APH1B: variants seen among roughly 807,000 people sequenced by gnomAD.
APH1B encodes the protein aph-1B gamma-secretase subunit, also known as gamma-secretase subunit APH-1B.
In APH1B, 27 loss-of-function variants were observed where a neutral mutation model predicts 28.2. The observed-to-expected ratio is 0.96, with a 90% CI of 0.70 to 1.32. APH1B has a LOEUF of 1.32. Ranked by LOEUF, APH1B falls within the 40% of genes most tolerant of loss-of-function variation. The pLI, the probability that APH1B is intolerant of heterozygous loss-of-function variation, is 0.00. For missense variants in APH1B, 305 were observed against 313.6 expected (o/e 0.97, Z 0.21); for synonymous variants, 141 against 124.6 (o/e 1.13, Z -0.88).
chr15:63,278,335 C>T (rs753832262), intron 1 of APH1B: 6 of 456,748 alleles, frequency 1.3e-5, no homozygotes, highest in Middle Eastern at 6.5e-4. Flanking sequence ...CCTGACTGTG[C>T]GTCTCCTTCT....
chr15:63,293,712 T>C (rs2038531335), intron 4 of APH1B, among the ~76,000 whole-genome samples: 1 of 152,022 alleles, frequency 6.6e-6, no homozygotes. Context: ...TGGTCAGGTT[T>C]TTCTCGAACT....
chr15:63,277,784 C>G, intron 1 of APH1B, 48 bp downstream of exon 1: 2 of 1,563,916 alleles, frequency 1.3e-6, no homozygotes, highest in Middle Eastern at 1.7e-4. Context: ...TCCCCTCCCC[C>G]GCTGGGGTTA....
At chr15:63,277,927 G>C (rs1293417750) in intron 1 of APH1B, 191 bp downstream of exon 1, 3 of 599,938 alleles carry the variant, frequency 5.0e-6, no homozygotes, top group Non-Finnish European at 8.7e-6. Context: ...GCGCACACTG[G>C]GGGTCAGGGC....
At chr15:63,298,468 C>T (rs1432155645) in intron 4 of APH1B, among the ~76,000 whole-genome samples, 1 of 152,168 alleles carries the variant, frequency 6.6e-6, no homozygotes, top group Admixed American at 6.5e-5. Flanking sequence ...ACCTCAGCCT[C>T]CCAGGTGCTG....
intron 4 of APH1B, among the ~76,000 whole-genome samples, chr15:63,296,139 TTC>T (rs1422120829): frequency 1.3e-5 from 2 of 152,222 alleles, no homozygotes; most frequent in African/African-American, 4.8e-5. Flanking sequence ...TTCAAAAGCA[TTC>T]ATTCAGCTCT....
At chr15:63,305,493 AC>A in intron 5 of APH1B, 120 bp from the exon 6 acceptor site, 1 of 1,111,066 alleles carries the variant, frequency 9.0e-7, no homozygotes, top group Non-Finnish European at 1.3e-6. Context: ...CACACATCAT[AC>A]GTTTGGTGAA....
chr15:63,278,052 C>T (rs1375222607), intron 1 of APH1B: 5 of 403,324 alleles, frequency 1.2e-5, no homozygotes, highest in African/African-American at 2.0e-5. Context: ...GGGGGAGTCC[C>T]TAATTTCCCT....
chr15:63,292,185 G>C (rs1269759714), intron 4 of APH1B, among the ~76,000 whole-genome samples: 2 of 152,120 alleles, frequency 1.3e-5, no homozygotes, highest in East Asian at 1.9e-4. Context: ...CAAAGTAGTA[G>C]AGAAAGTATA....
chr15:63,304,906 A>C lies in APH1B; in HGVS notation c.607-708A>C, dbSNP rs2038670503. The stretch of plus-strand genomic sequence containing the variant: ...CCCACGGAGGCCTCTTGAGAAGAGC[A>C]GTCTTTCTGCATAAGGTGCTACCTG... On this transcript the variant is annotated intron_variant, in intron 5 of 5. Coordinates refer to ENST00000261879, the MANE Select transcript of APH1B (RefSeq NM_031301.4). This position sits in a 1 kb window ranked among gnomAD's most constrained non-coding sequence, Gnocchi z 5.1. 1.3e-5 allele frequency among the ~76,000 whole-genome samples: 2 copies of C among 152,238 alleles called. No individual in the cohort carries two copies. The highest frequency in any genetic ancestry group is 6.5e-5 in the Admixed American group (1 of 15,286).
chr15:63,302,286 A>G (rs2038638545), intron 4 of APH1B, 59 bp from the exon 5 acceptor site: 2 of 1,593,778 alleles, frequency 1.3e-6, no homozygotes, highest in South Asian at 1.1e-5. Flanking sequence ...GCACAGTGCC[A>G]GGGTCCTCAG....
chr15:63,301,296 G>A (rs993459786), intron 4 of APH1B, among the ~76,000 whole-genome samples: 1 of 152,220 alleles, frequency 6.6e-6, no homozygotes, highest in Non-Finnish European at 1.5e-5. Flanking sequence ...CAGTATGAAA[G>A]AGAGTTGTCA....
chr15:63,302,635 G>C (rs945681799), intron 5 of APH1B, 163 bp downstream of exon 5: 1 of 917,986 alleles, frequency 1.1e-6, no homozygotes, highest in African/African-American at 1.7e-5. Context: ...ACCACAAAAA[G>C]ACCACCACTA....
intron 4 of APH1B, among the ~76,000 whole-genome samples, chr15:63,299,070 A>C (rs1177421818): frequency 6.6e-6 from 1 of 152,206 alleles, no homozygotes; most frequent in Non-Finnish European, 1.5e-5. Context: ...AAAAGAAAAA[A>C]GAAAACCAGA....
At chr15:63,278,080 G>A (rs1012495969) in intron 1 of APH1B, among the ~76,000 whole-genome samples, 1 of 152,190 alleles carries the variant, frequency 6.6e-6, no homozygotes, top group Admixed American at 6.5e-5. Flanking sequence ...TCAAAGGCAT[G>A]TGTAATCCCC....
chr15:63,293,952 A>G (rs1268962569), intron 4 of APH1B, among the ~76,000 whole-genome samples: 2 of 150,910 alleles, frequency 1.3e-5, no homozygotes, highest in Admixed American at 6.6e-5. Context: ...TCCTGTAGAG[A>G]TGGGGTCTCA....
At chr15:63,278,561 G>A (rs547699578) in intron 1 of APH1B, among the ~76,000 whole-genome samples, 1 of 152,348 alleles carries the variant, frequency 6.6e-6, no homozygotes, top group East Asian at 1.9e-4. Flanking sequence ...GGAAGGGTCT[G>A]TAAAGCTTGC....
rs1220006660 is a variant in APH1B at position 63,307,938 on chromosome 15, G to A, written c.*2157G>A. 6.6e-6 allele frequency: 1 copy of A among 152,188 alleles called. No individual in the cohort carries two copies. Among genetic ancestry groups the A allele is most frequent in the African/African-American group, 2.4e-5 (1 of 41,434 alleles). The allele number at this position is 152,188 out of a possible 1,614,324, so 9.4% of individuals were successfully genotyped here. A position where few individuals can be genotyped will look rare whatever the true frequency, so the allele number is the denominator to read the frequency against. Reference sequence around the variant, plus strand: ...AATCCTTTGTTACCTGTGAATGAAGGAACTTTGTAATTCTGATTTATCGTA... The same window carrying A: ...AATCCTTTGTTACCTGTGAATGAAGAAACTTTGTAATTCTGATTTATCGTA... On this transcript the variant is annotated 3_prime_UTR_variant, in exon 6 of 6. Transcript: ENST00000261879.
chr15:63,289,681 G>A (rs1301633011), intron 4 of APH1B, among the ~76,000 whole-genome samples: 4 of 152,214 alleles, frequency 2.6e-5, no homozygotes, highest in South Asian at 2.1e-4. Flanking sequence ...CAGTCTGTGT[G>A]TATCAGATAT....
chr15:63,286,319 A>T (rs957692504), intron 2 of APH1B, among the ~76,000 whole-genome samples: 1 of 152,072 alleles, frequency 6.6e-6, no homozygotes, highest in Non-Finnish European at 1.5e-5. Context: ...GTTTACTTAT[A>T]TTTTTCTTAT....
Sources: allele counts gnomAD v4.1 joint callset (sites outside exome capture counted in the v4.1 genomes callset), GRCh38; gene constraint gnomAD v4.1.1; non-coding constraint Gnocchi (gnomAD v3.1); transcripts MANE v1.5; gene names NCBI Gene and HGNC (gene_info 2026-07-23, HGNC 2026-07-21).